Variants in CAND1 observed in about 807,000 individuals in gnomAD.
CAND1 encodes cullin-associated NEDD8-dissociated protein 1.
In CAND1, 7 loss-of-function variants were observed where a neutral mutation model predicts 108.5. The observed-to-expected ratio is 0.06, with a 90% CI of 0.04 to 0.12. CAND1 has a LOEUF of 0.12. CAND1 is among the 10% of genes least tolerant of loss of function. The probability of loss-of-function intolerance (pLI) is 1.00; values close to 1 mark genes in which losing one functional copy is unlikely to be tolerated. For synonymous variants in CAND1, 534 were observed against 512.0 expected (o/e 1.04, Z -0.58); for missense variants, 941 against 1,448.7 (o/e 0.65, Z 5.69).
In CAND1 at chr12:67,272,900, T is replaced by C. The variant is rs2044534281; in HGVS notation, c.68+3115T>C. ...TTAGTCAAGACGGGGTTTCACCATG[T>C]TCGCCAGCATGGTCTCGATCTTCTA... On this transcript the variant is annotated intron_variant, in intron 1 of 14. Coordinates refer to ENST00000545606, the MANE Select transcript of CAND1 (RefSeq NM_018448.5). Among the ~76,000 whole-genome samples, 3 of 152,136 alleles carry C rather than the reference T, an allele frequency of 2.0e-5. No individual in the cohort carries two copies. In the South Asian group the frequency reaches 6.2e-4, roughly 31 times the overall value.
At chr12:67,271,456 T>G (rs2044520022) in intron 1 of CAND1, among the ~76,000 whole-genome samples, 2 of 152,186 alleles carry the variant, frequency 1.3e-5, no homozygotes, top group African/African-American at 4.8e-5. Flanking sequence ...TAATACAATT[T>G]TGTTCAACTA....
At chr12:67,271,111 G>T (rs968771614) in intron 1 of CAND1, among the ~76,000 whole-genome samples, 1 of 152,198 alleles carries the variant, frequency 6.6e-6, no homozygotes, top group African/African-American at 2.4e-5. Context: ...TACCTAGGCA[G>T]CTCTTAAATG....
chr12:67,303,531 G>A (rs1213938285), intron 8 of CAND1, among the ~76,000 whole-genome samples: 1 of 152,192 alleles, frequency 6.6e-6, no homozygotes, highest in Non-Finnish European at 1.5e-5. Context: ...CAATGCTATG[G>A]AAAGTCAGAC....
At position 67,304,763 on chromosome 12, in the gene CAND1, AAT is replaced by A; in HGVS notation, c.1435+18_1435+19del. The A allele has an allele frequency of 6.2e-7, 1 of 1,610,790 alleles. No individual in the cohort carries two copies. On this transcript the variant is annotated intron_variant, in intron 9 of 14. Coordinates refer to ENST00000545606, the MANE Select transcript of CAND1 (RefSeq NM_018448.5). ...TTGTACCAGGTATGAAAGAAACATA[AAT>A]CTCTTTTGGGACTTATTGTAGCCTT...
intron 2 of CAND1, among the ~76,000 whole-genome samples, chr12:67,291,681 A>G (rs1295476940): frequency 1.3e-5 from 2 of 152,220 alleles, no homozygotes; most frequent in Non-Finnish European, 2.9e-5. Flanking sequence ...AGGAAGGGAA[A>G]AAAATAATAA....
At chr12:67,310,484 C>A in intron 13 of CAND1, 168 bp downstream of exon 13, 1 of 485,902 alleles carries the variant, frequency 2.1e-6, no homozygotes, top group South Asian at 3.4e-5. Flanking sequence ...AGTGTAACAC[C>A]AGTTGACGTG....
chr12:67,282,505 A>G (rs2135995517), intron 2 of CAND1, among the ~76,000 whole-genome samples: 1 of 152,088 alleles, frequency 6.6e-6, no homozygotes, highest in East Asian at 1.9e-4. Flanking sequence ...CAGTGGTGTG[A>G]TCACAGCTCG....
intron 8 of CAND1, among the ~76,000 whole-genome samples, chr12:67,303,938 T>C (rs139944725): frequency 1.2e-3 from 185 of 152,216 alleles, no homozygotes; most frequent in South Asian, 3.7e-3. Context: ...CATTTATAAA[T>C]TAACCTCCTA....
chr12:67,297,389 TTTTTA>T lies in CAND1; in HGVS notation c.492-7_492-3del, dbSNP rs757672317. On this transcript the variant is annotated splice_polypyrimidine_tract_variant and intron_variant, in intron 4 of 14. Coordinates refer to ENST00000545606, the MANE Select transcript of CAND1 (RefSeq NM_018448.5). ...GAATTCATTTGTTGTTTTCTTTCTTTTTTTATTTTATTTTAAGGCAAGGAGGACTT... is the reference window on the plus strand; with the variant it reads ...GAATTCATTTGTTGTTTTCTTTCTTTTTTTATTTTAAGGCAAGGAGGACTT... The T allele has an allele frequency of 6.2e-7, 1 of 1,600,712 alleles. No individual in the cohort carries two copies. The highest frequency in any genetic ancestry group is 8.5e-7 in the Non-Finnish European group (1 of 1,174,566).
chr12:67,315,442 G>A lies in CAND1; in HGVS notation c.*2612G>A, dbSNP rs1228311679. ...CTCTGGCCTGGGCAACAGAGCGAGA[G>A]TCTGTCTCAAAAAAAAAAAAAAAAA... On this transcript the variant is annotated 3_prime_UTR_variant, in exon 15 of 15. Coordinates refer to ENST00000545606, the MANE Select transcript of CAND1 (RefSeq NM_018448.5). 1 of 125,146 alleles carries A rather than the reference G, an allele frequency of 8.0e-6. No homozygotes were observed. The highest frequency in any genetic ancestry group is 1.6e-5 in the Non-Finnish European group (1 of 64,172). 7.8% of individuals were successfully genotyped at this position (125,146 alleles called of 1,614,324 possible).
chr12:67,290,796 T>C (rs979815176), intron 2 of CAND1, among the ~76,000 whole-genome samples: 5 of 152,130 alleles, frequency 3.3e-5, no homozygotes, highest in Admixed American at 2.6e-4. Flanking sequence ...ATACAGATCC[T>C]TGGCCTGTTG....
Position 67,314,466 on chromosome 12 carries a change from A to C in CAND1, c.*1636A>C, listed in dbSNP as rs544535075. On this transcript the variant is annotated 3_prime_UTR_variant, in exon 15 of 15. Transcript: ENST00000545606. ...AAAATGTGGCAGGTGATAATCTTTT[A>C]CCATAATTTGCATAAAACTGTAATA... 7 of 152,320 alleles carry C rather than the reference A, an allele frequency of 4.6e-5. No individual in the cohort carries two copies. The East Asian group carries it at 1.3e-3, about 29-fold the overall frequency. The allele number at this position is 152,320 out of a possible 1,614,324, so 9.4% of individuals were successfully genotyped here.
intron 11 of CAND1, among the ~76,000 whole-genome samples, chr12:67,308,833 C>T (rs1213255957): frequency 6.6e-6 from 1 of 151,194 alleles, no homozygotes; most frequent in Non-Finnish European, 1.5e-5. Flanking sequence ...TTTTTTAAAT[C>T]AGTGCTGGAA....
At chr12:67,302,072 G>A (rs2044830385) in intron 7 of CAND1, among the ~76,000 whole-genome samples, 1 of 152,140 alleles carries the variant, frequency 6.6e-6, no homozygotes, top group Non-Finnish European at 1.5e-5. Context: ...TCATTACAAA[G>A]TAAATGAGAA....
intron 2 of CAND1, among the ~76,000 whole-genome samples, chr12:67,292,378 T>C (rs1359151958): frequency 1.3e-5 from 2 of 152,166 alleles, no homozygotes; most frequent in East Asian, 3.9e-4. Flanking sequence ...TGGGGTATGA[T>C]ACGGAAAGCA....
At chr12:67,271,575 A>C (rs1214384254) in intron 1 of CAND1, among the ~76,000 whole-genome samples, 5 of 152,264 alleles carry the variant, frequency 3.3e-5, no homozygotes, top group Non-Finnish European at 5.9e-5. Flanking sequence ...AAAGAAAGAT[A>C]ACATGTACAT....
In CAND1 at chr12:67,317,429, A is replaced by G. The variant is rs911975206; in HGVS notation, c.*4599A>G. The G allele has an allele frequency of 6.6e-6, 1 of 150,772 alleles. No individual in the cohort carries two copies. The highest frequency in any genetic ancestry group is 2.4e-5 in the African/African-American group (1 of 40,908). 9.3% of individuals were successfully genotyped at this position (150,772 alleles called of 1,614,324 possible). ...GATTATTGCAAGTGCCTCCTTGCCC[A>G]GCCACATGTTGTTGATTTCTTTTTT... On this transcript the variant is annotated 3_prime_UTR_variant, in exon 15 of 15. Transcript: ENST00000545606.
At chr12:67,281,779 A>G (rs2044622393) in intron 1 of CAND1, 131 bp from the exon 2 acceptor site, 2 of 579,406 alleles carry the variant, frequency 3.5e-6, no homozygotes, top group Non-Finnish European at 2.8e-6. Context: ...CTTTTTTTAA[A>G]AAGTGGATGA....
intron 2 of CAND1, among the ~76,000 whole-genome samples, chr12:67,286,530 A>T (rs543366898): frequency 1.4e-4 from 20 of 147,204 alleles, no homozygotes; most frequent in Admixed American, 1.0e-3. Context: ...ATAACTAATG[A>T]TGTCAAGAAC....
Sources: allele counts gnomAD v4.1 joint callset (sites outside exome capture counted in the v4.1 genomes callset), GRCh38; gene constraint gnomAD v4.1.1; transcripts MANE v1.5; gene names NCBI Gene and HGNC (gene_info 2026-07-23, HGNC 2026-07-21).